Variants in SVOP observed in about 807,000 individuals in gnomAD.
SVOP encodes SV2 related protein.
SVOP carries 17 observed loss-of-function variants against 69.1 expected under a neutral mutation model. That is an observed-to-expected ratio of 0.25 (90% CI 0.17 to 0.37). SVOP has a LOEUF of 0.37. SVOP is among the 10% of genes least tolerant of loss of function. SVOP has a pLI of 1.00. For missense variants in SVOP, 435 were observed against 597.5 expected (o/e 0.73, Z 2.84); for synonymous variants, 238 against 238.6 (o/e 1.00, Z 0.02).
intron 11 of SVOP, 103 bp downstream of exon 11, chr12:108,934,092 C>A: frequency 1.0e-6 from 1 of 999,784 alleles, no homozygotes; most frequent in South Asian, 1.6e-5. Flanking sequence ...TAGTACAAGG[C>A]CAATCCCTTA....
Position 109,020,110 on chromosome 12 carries a change from A to G in SVOP, c.35+724T>C, listed in dbSNP as rs115533518. Among the ~76,000 whole-genome samples, 311 of 152,228 alleles carry G rather than the reference A, an allele frequency of 2.0e-3. 2 individuals are homozygous for G. The highest frequency in any genetic ancestry group is 7.2e-3 in the African/African-American group (298 of 41,516). Reference sequence around the variant, plus strand: ...GTAGGAAAAATCTGTAAGCCCCTCTACAAGGCCCCTGTCCTTTCGGTTGCT... The same window carrying G: ...GTAGGAAAAATCTGTAAGCCCCTCTGCAAGGCCCCTGTCCTTTCGGTTGCT... On this transcript the variant is annotated intron_variant, in intron 1 of 15. Transcript: ENST00000610966.
rs576696212 is a variant in SVOP at position 108,914,873 on chromosome 12, T to TA, written c.1440+909dup. On this transcript the variant is annotated intron_variant, in intron 15 of 15. Coordinates refer to ENST00000610966, the MANE Select transcript of SVOP (RefSeq NM_018711.5). ...GCACCTGACCCTTCTTTCCTTTTGT[T>TA]AAAAAAAAAAAAATTTTTTTGGCCA... Among the ~76,000 whole-genome samples the TA allele has an allele frequency of 2.7e-4, 39 of 144,634 alleles. 1 individual carries two copies. In the South Asian group the frequency reaches 4.2e-3, roughly 16 times the overall value. 94.9% of individuals were successfully genotyped at this position (144,634 alleles called of 152,430 possible).
intron 10 of SVOP, among the ~76,000 whole-genome samples, chr12:108,934,822 G>A (rs973997746): frequency 6.6e-6 from 1 of 152,194 alleles, no homozygotes; most frequent in Admixed American, 6.5e-5. Context: ...AAAAAGGGAA[G>A]GCATGAATAA....
At chr12:108,945,850 A>T (rs2039919451) in intron 6 of SVOP, among the ~76,000 whole-genome samples, 1 of 152,180 alleles carries the variant, frequency 6.6e-6, no homozygotes, top group South Asian at 2.1e-4. Context: ...ATCACTGGTG[A>T]CATTAATTTT....
chr12:108,912,302 G>C lies in SVOP; in HGVS notation c.*233C>G. 7.1e-7 allele frequency: 1 copy of C among 1,411,944 alleles called. No individual in the cohort carries two copies. The highest frequency in any genetic ancestry group is 9.2e-7 in the Non-Finnish European group (1 of 1,085,980). 87.5% of individuals were successfully genotyped at this position (1,411,944 alleles called of 1,614,324 possible). On this transcript the variant is annotated 3_prime_UTR_variant, in exon 16 of 16. Coordinates refer to ENST00000610966, the MANE Select transcript of SVOP (RefSeq NM_018711.5). ...CTTCCCATGTAGATCCACAGGTTAT[G>C]AACAAAGCTTTCACCACATATACAG...
chr12:108,976,849 A>T (rs2040109317), intron 4 of SVOP, among the ~76,000 whole-genome samples: 1 of 152,112 alleles, frequency 6.6e-6, no homozygotes, highest in Non-Finnish European at 1.5e-5. Context: ...TCCTGACCTC[A>T]GGTGGTCCAC....
intron 11 of SVOP, among the ~76,000 whole-genome samples, chr12:108,930,409 T>G (rs2039809552): frequency 6.6e-6 from 1 of 151,488 alleles, no homozygotes; most frequent in Non-Finnish European, 1.5e-5. Flanking sequence ...TTTGCCTTAT[T>G]TGAATAGAGT....
intron 1 of SVOP, among the ~76,000 whole-genome samples, chr12:108,994,317 A>T (rs987650040): frequency 2.0e-5 from 3 of 152,062 alleles, no homozygotes; most frequent in Non-Finnish European, 4.4e-5. Context: ...AACATAGTGA[A>T]ACCCCGTCTT....
chr12:108,988,770 C>CTTTTTTTTTT (rs758822738), intron 1 of SVOP, among the ~76,000 whole-genome samples: 3 of 92,158 alleles, frequency 3.3e-5, no homozygotes, highest in East Asian at 7.2e-4. Context: ...TCTTTTCTCT[C>CTTTTTTTTTT]TTTTTTTTTT....
Position 108,964,596 on chromosome 12 carries a change from T to C in SVOP, c.454-3549A>G, listed in dbSNP as rs367656404. Among the ~76,000 whole-genome samples the C allele has an allele frequency of 3.9e-5, 6 of 152,252 alleles. No individual in the cohort carries two copies. The East Asian group carries it at 1.2e-3, about 29-fold the overall frequency. On this transcript the variant is annotated intron_variant, in intron 5 of 15. Transcript: ENST00000610966. ...TCTGTTGATGCCAGGGCTTTCCAGC[T>C]GCCCCAAAATGAGGGCTCAGCAACC...
chr12:108,962,820 C>G (rs1486593749), intron 5 of SVOP, among the ~76,000 whole-genome samples: 1 of 152,006 alleles, frequency 6.6e-6, no homozygotes, highest in Non-Finnish European at 1.5e-5. Context: ...CAAAAATTAG[C>G]CAGGTGGAGT....
intron 12 of SVOP, among the ~76,000 whole-genome samples, chr12:108,921,116 C>A (rs1180119196): frequency 6.6e-6 from 1 of 152,108 alleles, no homozygotes; most frequent in Admixed American, 6.5e-5. Flanking sequence ...GAGGTAAAAT[C>A]ACAGAAATGG....
At chr12:108,968,101 G>T (rs2040055701) in intron 5 of SVOP, among the ~76,000 whole-genome samples, 1 of 152,206 alleles carries the variant, frequency 6.6e-6, no homozygotes, top group African/African-American at 2.4e-5. Context: ...GGCAGTTGCT[G>T]CTCTGGAGAG....
chr12:108,958,681 C>T (rs1206532799), intron 6 of SVOP, among the ~76,000 whole-genome samples: 1 of 152,148 alleles, frequency 6.6e-6, no homozygotes, highest in African/African-American at 2.4e-5. Context: ...CTTTTATTCC[C>T]TCCAAAATGA....
At chr12:108,918,169 C>T in intron 13 of SVOP, 45 bp from the exon 14 acceptor site, 1 of 1,485,604 alleles carries the variant, frequency 6.7e-7, no homozygotes, top group Non-Finnish European at 9.1e-7. Flanking sequence ...TTTCTGTCTG[C>T]TTGTTTCAGC....
chr12:108,927,817 A>C (rs927296194), intron 11 of SVOP, among the ~76,000 whole-genome samples: 1 of 151,904 alleles, frequency 6.6e-6, no homozygotes, highest in African/African-American at 2.4e-5. Flanking sequence ...GCTGGTCTTG[A>C]ACTCCTGAGC....
intron 1 of SVOP, among the ~76,000 whole-genome samples, chr12:109,009,774 G>C (rs2040330793): frequency 6.6e-6 from 1 of 152,136 alleles, no homozygotes; most frequent in South Asian, 2.1e-4. Context: ...GCAATGTCTA[G>C]AGACAGCTTT....
intron 1 of SVOP, among the ~76,000 whole-genome samples, chr12:109,010,976 G>A (rs935962244): frequency 1.3e-5 from 2 of 151,894 alleles, no homozygotes; most frequent in Non-Finnish European, 2.9e-5. Flanking sequence ...TGCAAGTGGC[G>A]TGATCTCAGC....
At chr12:108,945,345 ACCTTCAGAAACAGACT>A (rs2039916504) in intron 6 of SVOP, among the ~76,000 whole-genome samples, 179 bp from the exon 7 acceptor site, 1 of 152,086 alleles carries the variant, frequency 6.6e-6, no homozygotes, top group African/African-American at 2.4e-5. Flanking sequence ...CCCTTCCTAG[ACCTTCAGAAACAGACT>A]CCAAGGGATG....
Sources: gnomAD v4.1 joint callset for allele counts (sites outside exome capture counted in the v4.1 genomes callset) on GRCh38, gnomAD v4.1.1 for gene constraint, MANE v1.5 for transcripts, NCBI Gene and HGNC (gene_info 2026-07-23, HGNC 2026-07-21) for gene names.